POLR3A: variants seen among roughly 807,000 people sequenced by gnomAD.
The protein encoded by POLR3A is DNA-directed RNA polymerase III subunit RPC1.
A neutral mutation model predicts 152.8 loss-of-function variants in POLR3A; 112 were observed. The ratio of observed to expected loss-of-function variants is 0.73; its 90% CI spans 0.63 to 0.86. POLR3A has a LOEUF of 0.86. Among genes scored for constraint, POLR3A ranks in the 40% least tolerant of loss-of-function variants. POLR3A has a pLI of 0.00. For synonymous variants in POLR3A, 615 were observed against 652.1 expected, an observed-to-expected ratio of 0.94 and a Z score of 0.87; for missense variants, 1,385 against 1,743.1, an observed-to-expected ratio of 0.79 and a Z score of 3.66.
chr10:78,026,169 T>A lies in POLR3A; in HGVS notation c.105A>T (p.Gln35His). The A allele has an allele frequency of 6.2e-7, 1 of 1,614,182 alleles. No homozygotes were observed. The highest frequency in any genetic ancestry group is 8.5e-7 in the Non-Finnish European group (1 of 1,180,004). ...PEEMRQQAHI[Q>H]VVSKNLYSQD... ...GGCTGTACAGGTTCTTACTCACAAC[T>A]TGGATGTGCGCCTGCTGGCGCATCT... The change falls in exon 2 of 31, where the codon CAA becomes CAT. Residue 35 changes from glutamine to histidine, a missense_variant. Physicochemically the swap from Gln to His is conservative, Grantham distance 24 (BLOSUM62 0). This residue lies in a region of POLR3A where 493 missense variants were observed against 647.5 expected (regional missense o/e 0.76). Transcript: ENST00000372371.
rs1021947095 is a variant in POLR3A at position 77,976,766 on chromosome 10, T to G, written c.*712A>C. The stretch of plus-strand genomic sequence containing the variant: ...CCCCATGATAGGGGTCTGAGGTAGA[T>G]GAAAACAACAGGGTAGCCAGGGGCA... On this transcript the variant is annotated 3_prime_UTR_variant, in exon 31 of 31. Coordinates refer to ENST00000372371, the MANE Select transcript of POLR3A (RefSeq NM_007055.4). 3.3e-5 allele frequency: 5 copies of G among 152,490 alleles called. No homozygotes were observed. The highest frequency in any genetic ancestry group is 7.3e-5 in the Non-Finnish European group (5 of 68,334). 9.4% of individuals were successfully genotyped at this position (152,490 alleles called of 1,614,324 possible).
intron 11 of POLR3A, among the ~76,000 whole-genome samples, chr10:78,010,800 G>A (rs1847459839): frequency 6.6e-6 from 1 of 152,156 alleles, no homozygotes; most frequent in Non-Finnish European, 1.5e-5. Flanking sequence ...ATCAAGTGAA[G>A]TTGTTTCAGA....
At chr10:78,015,935 T>G (rs1178032609) in intron 10 of POLR3A, among the ~76,000 whole-genome samples, 2 of 152,190 alleles carry the variant, frequency 1.3e-5, no homozygotes, top group East Asian at 1.9e-4. Context: ...AATCACAAAC[T>G]ACTTCTTAGT....
In POLR3A at chr10:78,010,553, T is replaced by C. The variant is rs1847457428; in HGVS notation, c.1573-13A>G. On this transcript the variant is annotated splice_polypyrimidine_tract_variant and intron_variant, in intron 11 of 30. Coordinates refer to ENST00000372371, the MANE Select transcript of POLR3A (RefSeq NM_007055.4). ...GATTTGCTTTAGTCTGTAGGAAAAG[T>C]AAGCGCAGTCAGTTAGCTGTTCTCG... The C allele has an allele frequency of 6.2e-7, 1 of 1,607,470 alleles. No individual in the cohort carries two copies. The highest frequency in any genetic ancestry group is 8.5e-7 in the Non-Finnish European group (1 of 1,173,912).
intron 19 of POLR3A, among the ~76,000 whole-genome samples, chr10:77,996,897 G>A (rs1160264964): frequency 8.5e-5 from 13 of 152,176 alleles, no homozygotes; most frequent in Admixed American, 5.2e-4. Context: ...GATGAACATC[G>A]ATGCAAAAAT....
In POLR3A at chr10:78,026,106, G is replaced by A. The variant is rs888932116; in HGVS notation, c.168C>T (p.Leu56=). ...GAGGGGGCCTTACCATCCTATGGTCGAGCACCCCATATAGCAAGGGGGCAT... is the reference window on the plus strand; with the variant it reads ...GAGGGGGCCTTACCATCCTATGGTCAAGCACCCCATATAGCAAGGGGGCAT... ...NQHAPLLYGV[L]DHRMGTSEKD... is the part of the protein sequence containing the mutation. Residue 56 remains leucine, a synonymous_variant, in exon 2 of 31, where the codon CTC becomes CTT. Transcript: ENST00000372371. 1.9e-6 allele frequency: 3 copies of A among 1,614,010 alleles called. No homozygotes were observed. Among genetic ancestry groups the A allele is most frequent in the Non-Finnish European group, 2.5e-6 (3 of 1,180,012 alleles).
Position 77,975,735 on chromosome 10 carries a change from C to G in POLR3A, c.*1743G>C, listed in dbSNP as rs1847081648. On this transcript the variant is annotated 3_prime_UTR_variant, in exon 31 of 31. Transcript: ENST00000372371. ...GGTGCCGGAGTTCACTCCTATGATT[C>G]AATTCTACCCTCCCCTGGCCTTTGC... The G allele has an allele frequency of 6.6e-6, 1 of 152,252 alleles. No homozygotes were observed. The highest frequency in any genetic ancestry group is 2.4e-5 in the African/African-American group (1 of 41,456). The allele number at this position is 152,252 out of a possible 1,614,324, so 9.4% of individuals were successfully genotyped here. A position where few individuals can be genotyped will look rare whatever the true frequency, so the allele number is the denominator to read the frequency against.
At chr10:77,985,445 T>C (rs545400839) in intron 23 of POLR3A, 105 bp from the exon 24 acceptor site, 3 of 903,442 alleles carry the variant, frequency 3.3e-6, no homozygotes, top group African/African-American at 3.3e-5. Flanking sequence ...AGAATATAGA[T>C]GCTATTAGGG....
chr10:78,024,998 T>C lies in POLR3A; in HGVS notation c.463A>G (p.Ile155Val). The stretch of plus-strand genomic sequence containing the variant: ...TTAAAAGCGCCACAGTGATGGCAGA[T>C]GTTTTTCTTCCGGCACTTGTCAGAG... ...KISDKCRKKN[I>V]CHHCGAFNGT... Residue 155 changes from isoleucine (I) to valine (V), a missense_variant, in exon 4 of 31, where the codon ATC (isoleucine) becomes GTC (valine). Transcript: ENST00000372371. 1.9e-6 allele frequency: 3 copies of C among 1,614,236 alleles called. No individual in the cohort carries two copies. The highest frequency in any genetic ancestry group is 2.5e-6 in the Non-Finnish European group (3 of 1,180,036).
rs1356208557 is a variant in POLR3A, at chr10:77,984,306, G to A, written c.3243-8C>T. On this transcript the variant is annotated splice_polypyrimidine_tract_variant and splice_region_variant and intron_variant, in intron 24 of 30. Transcript: ENST00000372371. ...GCTGTGATAATTGGAGTGCTGTTGAGAAGCAAAGGAAAAATGGCACTAGCA... is the reference window on the plus strand; with the variant it reads ...GCTGTGATAATTGGAGTGCTGTTGAAAAGCAAAGGAAAAATGGCACTAGCA... 1 of 1,580,336 alleles carries A rather than the reference G, an allele frequency of 6.3e-7. No homozygotes were observed. Among genetic ancestry groups the A allele is most frequent in the Non-Finnish European group, 8.7e-7 (1 of 1,149,566 alleles).
chr10:77,985,458 G>A (rs966725087), intron 23 of POLR3A, 118 bp from the exon 24 acceptor site: 40 of 825,744 alleles, frequency 4.8e-5, no homozygotes, highest in Middle Eastern at 3.4e-4. Flanking sequence ...TATTAGGGTC[G>A]GAAAGGGTAT....
intron 19 of POLR3A, among the ~76,000 whole-genome samples, chr10:77,994,376 G>A (rs12267816): frequency 0.032 from 4,871 of 152,120 alleles, 292 homozygotes; most frequent in African/African-American, 0.11. Flanking sequence ...TGGTTTTCCA[G>A]CTTGCAAAGG....
intron 21 of POLR3A, among the ~76,000 whole-genome samples, chr10:77,988,295 G>A (rs1847216168): frequency 6.6e-6 from 1 of 152,296 alleles, no homozygotes; most frequent in Middle Eastern, 3.4e-3. Flanking sequence ...GCTGAGGCAG[G>A]TGGATCACCT....
intron 5 of POLR3A, among the ~76,000 whole-genome samples, chr10:78,023,836 A>G (rs1487705343): frequency 6.6e-6 from 1 of 151,776 alleles, no homozygotes; most frequent in East Asian, 1.9e-4. Context: ...AAAAGAACTG[A>G]GGTAAAAACA....
At position 78,014,656 on chromosome 10, in the gene POLR3A, G is replaced by T. The variant is rs547353194; in HGVS notation, c.1432-866C>A. Reference sequence around the variant, plus strand: ...CTGACCTCATGATCCGCCCACCTTGGCCTCCCAAAGTGCTGGCATTACAGG... The same window carrying T: ...CTGACCTCATGATCCGCCCACCTTGTCCTCCCAAAGTGCTGGCATTACAGG... On this transcript the variant is annotated intron_variant, in intron 10 of 30. Transcript: ENST00000372371. Among the ~76,000 whole-genome samples, 4 of 152,014 alleles carry T rather than the reference G, an allele frequency of 2.6e-5. No homozygotes were observed. In the South Asian group the frequency reaches 8.3e-4, roughly 32 times the overall value.
chr10:78,014,017 T>A (rs1436180257), intron 10 of POLR3A, among the ~76,000 whole-genome samples: 1 of 152,088 alleles, frequency 6.6e-6, no homozygotes, highest in East Asian at 1.9e-4. Flanking sequence ...ATTAGCCAGG[T>A]GTGGTAACAC....
At chr10:77,979,780 C>T (rs1000399968) in intron 30 of POLR3A, among the ~76,000 whole-genome samples, 1 of 152,210 alleles carries the variant, frequency 6.6e-6, no homozygotes, top group African/African-American at 2.4e-5. Context: ...CAGCGCCCAG[C>T]CAGTACCTGC....
intron 19 of POLR3A, among the ~76,000 whole-genome samples, chr10:77,996,628 T>C (rs1230545055): frequency 6.6e-6 from 1 of 151,370 alleles, no homozygotes; most frequent in Non-Finnish European, 1.5e-5. Flanking sequence ...GTTGAATCTC[T>C]GAATAGACCA....
chr10:78,012,623 C>G (rs745339707), intron 11 of POLR3A, among the ~76,000 whole-genome samples: 1 of 151,902 alleles, frequency 6.6e-6, no homozygotes, highest in Non-Finnish European at 1.5e-5. Flanking sequence ...AGTTGGGGAT[C>G]ATGAAGTTCA....
Sources: allele counts gnomAD v4.1 joint callset (sites outside exome capture counted in the v4.1 genomes callset), GRCh38; gene constraint gnomAD v4.1.1; regional missense constraint gnomAD v4.1.1; transcripts MANE v1.5; gene names NCBI Gene and HGNC (gene_info 2026-07-23, HGNC 2026-07-21).